Variants in GPM6A observed in about 807,000 individuals in gnomAD.
GPM6A encodes the protein glycoprotein M6A, also known as neuronal membrane glycoprotein M6-a.
GPM6A carries 7 observed loss-of-function variants against 32.1 expected under a neutral mutation model. The observed-to-expected ratio is 0.22, with a 90% CI of 0.12 to 0.41. GPM6A has a LOEUF of 0.41. Ranked by LOEUF, GPM6A falls within the 10% of genes least tolerant of loss-of-function variation. The probability of loss-of-function intolerance (pLI) is 1.00; values close to 1 mark genes in which losing one functional copy is unlikely to be tolerated. For synonymous variants in GPM6A, 130 were observed against 123.4 expected, an observed-to-expected ratio of 1.05 and a Z score of -0.35; for missense variants, 235 against 347.2, an observed-to-expected ratio of 0.68 and a Z score of 2.57.
At chr4:175,876,542 T>C in intron 1 of GPM6A, among the ~76,000 whole-genome samples, 1 of 152,182 alleles carries the variant, frequency 6.6e-6, no homozygotes, top group South Asian at 2.1e-4. Flanking sequence ...AAGCTGTCTT[T>C]TGAGTTCCAT....
intron 1 of GPM6A, among the ~76,000 whole-genome samples, chr4:175,922,011 T>C (rs1738683943): frequency 6.6e-6 from 1 of 152,194 alleles, no homozygotes; most frequent in Non-Finnish European, 1.5e-5. Context: ...GTGTGGTAAC[T>C]GAACACAAGC....
chr4:175,929,671 C>T (rs1738964503), intron 1 of GPM6A, among the ~76,000 whole-genome samples: 1 of 152,082 alleles, frequency 6.6e-6, no homozygotes, highest in South Asian at 2.1e-4. Flanking sequence ...GTCAATGATT[C>T]CCCCTCAAAA....
At chr4:175,944,156 C>T (rs373364143) in intron 1 of GPM6A, among the ~76,000 whole-genome samples, 9 of 151,954 alleles carry the variant, frequency 5.9e-5, no homozygotes, top group South Asian at 2.1e-4. Context: ...ATTTTCATTT[C>T]GATAACAAGT....
intron 1 of GPM6A, among the ~76,000 whole-genome samples, chr4:175,913,328 T>C (rs759283989): frequency 2.8e-4 from 42 of 152,346 alleles, no homozygotes; most frequent in Non-Finnish European, 5.6e-4. Context: ...TTTTAATACT[T>C]ATATATGGAA....
At chr4:175,839,072 T>C (rs970876541) in intron 1 of GPM6A, among the ~76,000 whole-genome samples, 1 of 152,224 alleles carries the variant, frequency 6.6e-6, no homozygotes, top group Admixed American at 6.5e-5. Flanking sequence ...ATATTGCTAG[T>C]GTCTTTTCAT....
intron 4 of GPM6A, chr4:175,641,999 A>G (rs1424849910): frequency 6.6e-6 from 1 of 152,042 alleles, no homozygotes; most frequent in Non-Finnish European, 1.5e-5. Context: ...TTCTTTATTT[A>G]GTTTTAATAT....
chr4:175,705,911 A>C (rs1389029496), intron 1 of GPM6A, among the ~76,000 whole-genome samples: 1 of 152,162 alleles, frequency 6.6e-6, no homozygotes, highest in Non-Finnish European at 1.5e-5. Context: ...TAGGCCCATT[A>C]ATTCTCAAAT....
At chr4:175,763,756 T>C (rs1732850691) in intron 1 of GPM6A, among the ~76,000 whole-genome samples, 1 of 152,168 alleles carries the variant, frequency 6.6e-6, no homozygotes, top group Non-Finnish European at 1.5e-5. Context: ...AAAACAGTCT[T>C]CTATATATCC....
chr4:175,902,488 T>C (rs543727495), intron 1 of GPM6A, among the ~76,000 whole-genome samples: 1 of 152,304 alleles, frequency 6.6e-6, no homozygotes, highest in African/African-American at 2.4e-5. Flanking sequence ...ATGTTCAACA[T>C]GCAGGCTCCA....
At chr4:175,713,181 A>G (rs1745647982) in intron 1 of GPM6A, among the ~76,000 whole-genome samples, 1 of 152,102 alleles carries the variant, frequency 6.6e-6, no homozygotes, top group African/African-American at 2.4e-5. Flanking sequence ...AATGAATGAC[A>G]TGATAATCTC....
At position 175,920,573 on chromosome 4, in the gene GPM6A, C is replaced by T. The variant is rs112150205; in HGVS notation, c.-23+81736G>A. On this transcript the variant is annotated intron_variant, in intron 1 of 7. Coordinates refer to the GPM6A transcript ENST00000280187. ...TGTTCATAAGAATTATACGGCTGGG[C>T]GTGGTGGCTTATGCCTGTAATACTA... Among the ~76,000 whole-genome samples, 326 of 152,232 alleles carry T rather than the reference C, an allele frequency of 2.1e-3. 2 individuals carry two copies. The highest frequency in any genetic ancestry group is 7.1e-3 in the African/African-American group (294 of 41,544).
At position 175,648,551 on chromosome 4, in the gene GPM6A, G is replaced by A. The variant is rs146140929; in HGVS notation, c.541+3283C>T. 8.1e-4 allele frequency among the ~76,000 whole-genome samples: 123 copies of A among 152,276 alleles called. 2 individuals carry two copies. The Middle Eastern group carries it at 0.02, about 25-fold the overall frequency. The stretch of plus-strand genomic sequence containing the variant: ...GCTGCTGTAACAGATTGTCATAAAT[G>A]TAGTGGCTTAAAGCAACACAAGTTT... On this transcript the variant is annotated intron_variant, in intron 4 of 6. Coordinates refer to ENST00000393658, the MANE Select transcript of GPM6A (RefSeq NM_201591.3).
intron 1 of GPM6A, among the ~76,000 whole-genome samples, chr4:175,855,297 T>A (rs1736383536): frequency 6.6e-6 from 1 of 152,206 alleles, no homozygotes; most frequent in Non-Finnish European, 1.5e-5. Flanking sequence ...TTATTACAAC[T>A]ATAGTCCAAA....
At chr4:175,834,227 T>TC (rs1735697335) in intron 1 of GPM6A, among the ~76,000 whole-genome samples, 1 of 152,154 alleles carries the variant, frequency 6.6e-6, no homozygotes, top group South Asian at 2.1e-4. Context: ...CTATAGAATG[T>TC]CCCTACGCCT....
intron 4 of GPM6A, chr4:175,641,526 G>C (rs1305103900): frequency 6.6e-6 from 1 of 152,220 alleles, no homozygotes; most frequent in Non-Finnish European, 1.5e-5. Flanking sequence ...GAGAGCAAAA[G>C]TAACCAAGTT....
chr4:175,894,223 T>C (rs1405877531), intron 1 of GPM6A, among the ~76,000 whole-genome samples: 1 of 152,166 alleles, frequency 6.6e-6, no homozygotes, highest in Admixed American at 6.6e-5. Context: ...CATTTTTTTT[T>C]AGTTCTTTGA....
chr4:175,728,596 T>C (rs1731280756), intron 1 of GPM6A, among the ~76,000 whole-genome samples: 1 of 152,214 alleles, frequency 6.6e-6, no homozygotes, highest in African/African-American at 2.4e-5. Context: ...TCATGTTTTC[T>C]CATATAATTG....
intron 3 of GPM6A, among the ~76,000 whole-genome samples, chr4:175,671,315 A>T (rs182322838): frequency 6.6e-6 from 1 of 151,544 alleles, no homozygotes; most frequent in Non-Finnish European, 1.5e-5. Flanking sequence ...AAAAAAAAAA[A>T]TCCACCCTTT....
intron 1 of GPM6A, among the ~76,000 whole-genome samples, chr4:175,831,563 T>C (rs1264524364): frequency 6.6e-6 from 1 of 152,124 alleles, no homozygotes; most frequent in Non-Finnish European, 1.5e-5. Flanking sequence ...GCAAAACAAA[T>C]CCGTGCTTAA....
Sources: gnomAD v4.1 joint callset for allele counts (sites outside exome capture counted in the v4.1 genomes callset) on GRCh38, gnomAD v4.1.1 for gene constraint, MANE v1.5 for transcripts, NCBI Gene and HGNC (gene_info 2026-07-23, HGNC 2026-07-21) for gene names.